Variants in PGM5 observed in about 807,000 individuals in gnomAD.
The protein encoded by PGM5 is phosphoglucomutase-like protein 5.
PGM5 carries 23 observed loss-of-function variants against 59.2 expected under a neutral mutation model. The ratio of observed to expected loss-of-function variants is 0.39; its 90% CI spans 0.28 to 0.55. PGM5 has a LOEUF of 0.55. Among genes scored for constraint, PGM5 ranks in the 20% least tolerant of loss-of-function variants. PGM5 has a pLI of 0.66. For synonymous variants in PGM5, 214 were observed against 286.0 expected, an observed-to-expected ratio of 0.75 and a Z score of 2.54; for missense variants, 574 against 748.3, an observed-to-expected ratio of 0.77 and a Z score of 2.72.
rs1448132373 is a variant in PGM5 at position 68,369,244 on chromosome 9, C to T, written c.262-8955C>T. Among the ~76,000 whole-genome samples the T allele has an allele frequency of 3.3e-5, 5 of 152,088 alleles. No homozygotes were observed. In the East Asian group the frequency reaches 5.8e-4, roughly 18 times the overall value. On this transcript the variant is annotated intron_variant, in intron 1 of 10. Transcript: ENST00000396396. ...CATGTGATCTTTTAGATAACAAAAT[C>T]GAGATACATAGGGATTTGGGATCTT... is the stretch of plus-strand genomic sequence containing the variant.
At chr9:68,383,806 T>A (rs1563987720) in intron 2 of PGM5, among the ~76,000 whole-genome samples, 2 of 151,666 alleles carry the variant, frequency 1.3e-5, no homozygotes, top group African/African-American at 4.8e-5. Context: ...ATGTTCAATT[T>A]ATTTAAAGTC....
intron 4 of PGM5, among the ~76,000 whole-genome samples, chr9:68,388,175 A>G (rs1474552139): frequency 2.9e-5 from 4 of 138,650 alleles, no homozygotes; most frequent in Non-Finnish European, 4.7e-5. Flanking sequence ...TGCTTCCCTA[A>G]TTATATCACC....
At chr9:68,422,873 C>G (rs1250134377) in intron 6 of PGM5, among the ~76,000 whole-genome samples, 1 of 152,118 alleles carries the variant, frequency 6.6e-6, no homozygotes, top group Non-Finnish European at 1.5e-5. Context: ...TCTCTCATCC[C>G]CTTCCCACCC....
intron 6 of PGM5, among the ~76,000 whole-genome samples, chr9:68,464,280 T>C (rs78054473): frequency 0.028 from 4,324 of 152,268 alleles, 215 homozygotes; most frequent in African/African-American, 0.096. Context: ...CCTTTCTGCC[T>C]TTAAGATCAA....
intron 10 of PGM5, 101 bp downstream of exon 10, chr9:68,499,462 G>T (rs1345454771): frequency 5.0e-6 from 6 of 1,211,716 alleles, no homozygotes; most frequent in Non-Finnish European, 6.9e-6. Context: ...TCCTGGAAAG[G>T]TACATGATAA....
chr9:68,473,706 C>T (rs782129230), intron 7 of PGM5, among the ~76,000 whole-genome samples: 1 of 152,162 alleles, frequency 6.6e-6, no homozygotes, highest in African/African-American at 2.4e-5. Context: ...GTATGACCAA[C>T]AATCCTGGTT....
intron 6 of PGM5, among the ~76,000 whole-genome samples, chr9:68,444,063 T>TTTC (rs1252836280): frequency 7.8e-6 from 1 of 128,804 alleles, no homozygotes; most frequent in African/African-American, 3.3e-5. Context: ...TCTTTCTTTC[T>TTTC]TTTTTTTTTT....
In PGM5 at chr9:68,524,914, T is replaced by C. The variant is rs1824949570; in HGVS notation, c.1615-4653T>C. Among the ~76,000 whole-genome samples the C allele has an allele frequency of 3.3e-5, 5 of 152,320 alleles. No individual in the cohort carries two copies. In the South Asian group the frequency reaches 1.0e-3, roughly 32 times the overall value. On this transcript the variant is annotated intron_variant, in intron 10 of 10. Coordinates refer to ENST00000396396, the MANE Select transcript of PGM5 (RefSeq NM_021965.4). Reference sequence around the variant, plus strand: ...TCCTGTGTCGCACTGGGCTTTAGTGTCTTCATCTGTGCCATGAAGAAATCA... The same window carrying C: ...TCCTGTGTCGCACTGGGCTTTAGTGCCTTCATCTGTGCCATGAAGAAATCA...
At chr9:68,400,856 T>C (rs1482102053) in intron 6 of PGM5, 1 of 152,628 alleles carries the variant, frequency 6.6e-6, no homozygotes, top group Non-Finnish European at 1.5e-5. Flanking sequence ...TCCTAGTCGA[T>C]AATGAACTCC....
chr9:68,524,219 T>C (rs1824937067), intron 10 of PGM5, among the ~76,000 whole-genome samples: 1 of 152,138 alleles, frequency 6.6e-6, no homozygotes, highest in South Asian at 2.1e-4. Flanking sequence ...AAGATAAATA[T>C]CGTAGTGCAA....
At chr9:68,413,319 G>A (rs1297440627) in intron 6 of PGM5, among the ~76,000 whole-genome samples, 1 of 151,918 alleles carries the variant, frequency 6.6e-6, no homozygotes, top group Non-Finnish European at 1.5e-5. Context: ...TCTCTCCTGG[G>A]TAAGAAAGGC....
chr9:68,503,904 C>T (rs1824616765), intron 10 of PGM5, among the ~76,000 whole-genome samples: 1 of 152,184 alleles, frequency 6.6e-6, no homozygotes, highest in African/African-American at 2.4e-5. Flanking sequence ...GCATCTCAAA[C>T]TAATTACCGG....
intron 6 of PGM5, among the ~76,000 whole-genome samples, chr9:68,449,457 G>A (rs562538839): frequency 6.6e-6 from 1 of 152,302 alleles, no homozygotes; most frequent in East Asian, 1.9e-4. Context: ...CTCAAGAGAG[G>A]AGAGATTCTT....
At position 68,387,210 on chromosome 9, in the gene PGM5, C is replaced by T. The variant is rs576032745; in HGVS notation, c.572-253C>T. On this transcript the variant is annotated intron_variant, in intron 3 of 10. Transcript: ENST00000396396. ...AATTTATTCTTGTGGTTGATATTTT[C>T]CTTGCAAAGAAGAATTTATAACTTG... 2.6e-5 allele frequency among the ~76,000 whole-genome samples: 4 copies of T among 152,068 alleles called. No homozygotes were observed. In the South Asian group the frequency reaches 8.3e-4, roughly 31 times the overall value.
At chr9:68,376,822 T>TTTCTTTCTTTCC (rs1821915254) in intron 1 of PGM5, among the ~76,000 whole-genome samples, 1 of 115,990 alleles carries the variant, frequency 8.6e-6, no homozygotes, top group Admixed American at 9.2e-5. Flanking sequence ...TCTTTCTTTC[T>TTTCTTTCTTTCC]TTCTTTCTTT....
rs1184965269 is a variant in PGM5 at position 68,357,042 on chromosome 9, C to A, written c.-86C>A. 50 of 1,318,760 alleles carry A rather than the reference C, an allele frequency of 3.8e-5. No individual in the cohort carries two copies. The African/African-American group carries it at 7.2e-4, about 19-fold the overall frequency. 81.7% of individuals were successfully genotyped at this position (1,318,760 alleles called of 1,614,324 possible). The stretch of plus-strand genomic sequence containing the variant: ...GCCCGGGCGCGAGGCGGAGTCCCGG[C>A]GCGCAGCCAGGCTGGTGGAGGCCCC... On this transcript the variant is annotated 5_prime_UTR_variant, in exon 1 of 11. Transcript: ENST00000396396.
At chr9:68,446,602 G>C (rs1239839280) in intron 6 of PGM5, among the ~76,000 whole-genome samples, 1 of 152,212 alleles carries the variant, frequency 6.6e-6, no homozygotes, top group Non-Finnish European at 1.5e-5. Flanking sequence ...GGAAACGAAG[G>C]CTAGGAAAGG....
rs1264442758 is a variant in PGM5, at chr9:68,391,714, A to T, written c.878A>T (p.Asp293Val). The T allele has an allele frequency of 6.2e-7, 1 of 1,612,896 alleles. No individual in the cohort carries two copies. The highest frequency in any genetic ancestry group is 8.5e-7 in the Non-Finnish European group (1 of 1,179,274). Reference sequence around the variant, plus strand: ...GAATATGGATTTGGAGCTGCATTTGATGCTGATGGGGTAAGTAGGAAAGCT... The same window carrying T: ...GAATATGGATTTGGAGCTGCATTTGTTGCTGATGGGGTAAGTAGGAAAGCT... Reference protein sequence around the residue: ...GGEYGFGAAFDADGDRYMILG... With the variant: ...GGEYGFGAAFVADGDRYMILG... The change falls in exon 5 of 11, where the codon GAT becomes GTT. Residue 293 changes from aspartate (D) to valine (V), a missense_variant. This residue lies in a region of PGM5 where 34 missense variants were observed against 48.1 expected (regional missense o/e 0.71). Transcript: ENST00000396396.
intron 6 of PGM5, among the ~76,000 whole-genome samples, chr9:68,462,131 G>A (rs1272098123): frequency 2.7e-5 from 4 of 147,652 alleles, no homozygotes; most frequent in East Asian, 3.9e-4. Context: ...CTTCTCACTC[G>A]CAGGAAAAAA....
Sources: gnomAD v4.1 joint callset for allele counts (sites outside exome capture counted in the v4.1 genomes callset) on GRCh38, gnomAD v4.1.1 for gene constraint, gnomAD v4.1.1 regional missense constraint, MANE v1.5 for transcripts, NCBI Gene and HGNC (gene_info 2026-07-23, HGNC 2026-07-21) for gene names.